Variants in SKAP1 observed in about 807,000 individuals in gnomAD.
The protein encoded by SKAP1 is src kinase associated phosphoprotein 1, also known as src kinase-associated phosphoprotein 1.
SKAP1 carries 44 observed loss-of-function variants against 58.5 expected under a neutral mutation model. The ratio of observed to expected loss-of-function variants is 0.75; its 90% CI spans 0.59 to 0.97. The LOEUF (loss-of-function observed/expected upper bound fraction) is 0.97, where lower values mean the gene tolerates loss of function less well. SKAP1 is among the 50% of genes least tolerant of loss of function. The pLI is 0.00. For synonymous variants in SKAP1, 127 were observed against 149.7 expected (o/e 0.85, Z 1.11); for missense variants, 390 against 435.2 (o/e 0.90, Z 0.92).
At chr17:48,142,836 C>T (rs1400768893) in intron 11 of SKAP1, among the ~76,000 whole-genome samples, 2 of 152,084 alleles carry the variant, frequency 1.3e-5, no homozygotes, top group Non-Finnish European at 2.9e-5. Context: ...GACAGGGTTT[C>T]GCTCTGTTGC....
intron 4 of SKAP1, among the ~76,000 whole-genome samples, chr17:48,341,008 C>T (rs2066643691): frequency 6.6e-6 from 1 of 152,126 alleles, no homozygotes; most frequent in East Asian, 1.9e-4. Context: ...AACTCTATTC[C>T]CTCATGTGGA....
At chr17:48,150,502 ATAGATG>A (rs1226319361) in intron 11 of SKAP1, among the ~76,000 whole-genome samples, 1 of 152,228 alleles carries the variant, frequency 6.6e-6, no homozygotes, top group Non-Finnish European at 1.5e-5. Flanking sequence ...CTAGGTGTTT[ATAGATG>A]CTCTGTTTGT....
intron 11 of SKAP1, among the ~76,000 whole-genome samples, chr17:48,152,463 G>A (rs1253073378): frequency 6.6e-6 from 1 of 152,130 alleles, no homozygotes; most frequent in Non-Finnish European, 1.5e-5. Context: ...CAGCCTCTTT[G>A]GCAGATTAGT....
At chr17:48,201,487 C>T (rs898806049) in intron 4 of SKAP1, among the ~76,000 whole-genome samples, 1 of 151,974 alleles carries the variant, frequency 6.6e-6, no homozygotes, top group Non-Finnish European at 1.5e-5. Flanking sequence ...GTTCAAGCAA[C>T]CCTCCTGCCC....
At chr17:48,304,761 T>A (rs2066112908) in intron 4 of SKAP1, among the ~76,000 whole-genome samples, 1 of 152,232 alleles carries the variant, frequency 6.6e-6, no homozygotes, top group Non-Finnish European at 1.5e-5. Flanking sequence ...ATTCTTTAGT[T>A]ACACAGTATT....
Position 48,184,788 on chromosome 17 carries a change from G to C in SKAP1, c.502C>G (p.Leu168Val). 1 of 1,614,058 alleles carries C rather than the reference G, an allele frequency of 6.2e-7. No individual in the cohort carries two copies. The highest frequency in any genetic ancestry group is 8.5e-7 in the Non-Finnish European group (1 of 1,179,922). Reference protein sequence around the residue: ...KGYGVRMAPHLRRDSKKESCF... With the variant: ...KGYGVRMAPHVRRDSKKESCF... Reference sequence around the variant, plus strand: ...GATTCTTTCTTGGAATCTCTTCGCAGGTGGGGGGCCATCCGTACACCGTAG... The same window carrying C: ...GATTCTTTCTTGGAATCTCTTCGCACGTGGGGGGCCATCCGTACACCGTAG... The change falls in exon 7 of 13, where the codon CTG becomes GTG. Residue 168 changes from leucine (L) to valine (V), a missense_variant. By Grantham distance (32) the Leu-to-Val change is conservative. Coordinates refer to ENST00000336915, the MANE Select transcript of SKAP1 (RefSeq NM_003726.4).
chr17:48,411,580 T>A (rs1049476459), intron 1 of SKAP1, among the ~76,000 whole-genome samples: 1 of 152,040 alleles, frequency 6.6e-6, no homozygotes, highest in Non-Finnish European at 1.5e-5. Flanking sequence ...ATGGAAAGGA[T>A]GAATAAGAAG....
intron 1 of SKAP1, 39 bp from the exon 2 acceptor site, chr17:48,396,824 A>G (rs2067424970): frequency 1.4e-6 from 2 of 1,458,482 alleles, no homozygotes; most frequent in Non-Finnish European, 1.9e-6. Context: ...GAAAAGATGT[A>G]CTAAGGGAGA....
intron 4 of SKAP1, among the ~76,000 whole-genome samples, chr17:48,256,662 T>C (rs1008061822): frequency 2.6e-5 from 4 of 152,080 alleles, no homozygotes; most frequent in Non-Finnish European, 5.9e-5. Context: ...AGGACTGATC[T>C]GTTTATCAGT....
At chr17:48,158,639 A>G (rs2064023944) in intron 11 of SKAP1, among the ~76,000 whole-genome samples, 1 of 150,962 alleles carries the variant, frequency 6.6e-6, no homozygotes, top group Non-Finnish European at 1.5e-5. Flanking sequence ...CTAAGATTCA[A>G]AGTTGGATCA....
intron 4 of SKAP1, among the ~76,000 whole-genome samples, chr17:48,247,266 A>C (rs535743189): frequency 1.3e-5 from 2 of 152,348 alleles, no homozygotes; most frequent in African/African-American, 4.8e-5. Context: ...ACCTGTATAC[A>C]GCACAACTAG....
intron 2 of SKAP1, among the ~76,000 whole-genome samples, chr17:48,370,626 C>T (rs1343164999): frequency 1.3e-5 from 2 of 152,126 alleles, no homozygotes; most frequent in Non-Finnish European, 2.9e-5. Context: ...AGTCAAGAAA[C>T]AACAGGTGCT....
At chr17:48,392,304 C>T (rs1363942886) in intron 2 of SKAP1, among the ~76,000 whole-genome samples, 5 of 152,162 alleles carry the variant, frequency 3.3e-5, no homozygotes, top group Non-Finnish European at 5.9e-5. Flanking sequence ...ATTCTTTCAG[C>T]CTGTAGTTTA....
At chr17:48,270,436 C>T (rs1009041069) in intron 4 of SKAP1, among the ~76,000 whole-genome samples, 12 of 151,994 alleles carry the variant, frequency 7.9e-5, no homozygotes, top group African/African-American at 2.2e-4. Flanking sequence ...CTCCACCTCC[C>T]GGGTTCAAGC....
At chr17:48,343,664 C>G (rs2066686099) in intron 4 of SKAP1, among the ~76,000 whole-genome samples, 1 of 152,128 alleles carries the variant, frequency 6.6e-6, no homozygotes, top group African/African-American at 2.4e-5. Context: ...CCAGATTTAC[C>G]TCTTTCAACA....
At chr17:48,138,652 G>A (rs1235836971) in intron 11 of SKAP1, among the ~76,000 whole-genome samples, 1 of 152,082 alleles carries the variant, frequency 6.6e-6, no homozygotes, top group East Asian at 1.9e-4. Flanking sequence ...TTACAAGCGT[G>A]AGCCACTGCG....
chr17:48,358,804 A>G (rs1461965602), intron 3 of SKAP1, among the ~76,000 whole-genome samples: 2 of 152,198 alleles, frequency 1.3e-5, no homozygotes, highest in African/African-American at 4.8e-5. Context: ...AAAACTCATT[A>G]CAACTCATAG....
At chr17:48,239,260 GC>G (rs1224875754) in intron 4 of SKAP1, among the ~76,000 whole-genome samples, 1 of 152,168 alleles carries the variant, frequency 6.6e-6, no homozygotes, top group Non-Finnish European at 1.5e-5. Flanking sequence ...TTGACAATCT[GC>G]CCTTCAGTAT....
intron 3 of SKAP1, among the ~76,000 whole-genome samples, chr17:48,357,522 C>T (rs1165848212): frequency 6.6e-6 from 1 of 151,532 alleles, no homozygotes; most frequent in Non-Finnish European, 1.5e-5. Flanking sequence ...CCCAGCTGCT[C>T]GGGAGGCTGA....
Sources: allele counts gnomAD v4.1 joint callset (sites outside exome capture counted in the v4.1 genomes callset), GRCh38; gene constraint gnomAD v4.1.1; transcripts MANE v1.5; gene names NCBI Gene and HGNC (gene_info 2026-07-23, HGNC 2026-07-21).